The following RAP1GAP2 variants were observed in gnomAD, a reference collection of about 807,000 sequenced individuals.
The protein encoded by RAP1GAP2 is RAP1 GTPase activating protein 2, also known as rap1 GTPase-activating protein 2.
Under a neutral mutation model 95.0 loss-of-function variants are expected in RAP1GAP2, and 27 were observed. The ratio of observed to expected loss-of-function variants is 0.28; its 90% confidence interval spans 0.21 to 0.39. The LOEUF (loss-of-function observed/expected upper bound fraction) is 0.39, where lower values mean the gene tolerates loss of function less well. Ranked by LOEUF, RAP1GAP2 falls within the 10% of genes least tolerant of loss-of-function variation. RAP1GAP2 has a pLI of 1.00. For missense variants in RAP1GAP2, 771 were observed against 970.0 expected, an observed-to-expected ratio of 0.79 and a Z score of 2.72; for synonymous variants, 373 against 380.9, an observed-to-expected ratio of 0.98 and a Z score of 0.24.
At position 2,937,073 on chromosome 17, in the gene RAP1GAP2, C is replaced by T. The variant is rs151338196; in HGVS notation, c.166-20686C>T. Reference sequence around the variant, plus strand: ...GTGGTTGGATAGGGCATGTGTAGGACGGGAGTACCACCTTGGGACAGGGAG... The same window carrying T: ...GTGGTTGGATAGGGCATGTGTAGGATGGGAGTACCACCTTGGGACAGGGAG... On this transcript the variant is annotated intron_variant, in intron 3 of 24. Coordinates refer to ENST00000254695, the MANE Select transcript of RAP1GAP2 (RefSeq NM_015085.5). Among the ~76,000 whole-genome samples, 434 of 152,212 alleles carry T rather than the reference C, an allele frequency of 2.9e-3. 2 individuals carry two copies. Among genetic ancestry groups the T allele is most frequent in the African/African-American group, 8.3e-3 (344 of 41,546 alleles).
intron 1 of RAP1GAP2, among the ~76,000 whole-genome samples, chr17:2,784,834 GAT>G (rs1378144252): frequency 1.3e-5 from 2 of 152,202 alleles, no homozygotes; most frequent in Non-Finnish European, 1.5e-5. Flanking sequence ...TGCTGATGGA[GAT>G]ACCATGAGGG....
At chr17:2,974,571 T>C (rs560624887) in intron 8 of RAP1GAP2, among the ~76,000 whole-genome samples, 1 of 149,514 alleles carries the variant, frequency 6.7e-6, no homozygotes, top group Admixed American at 6.8e-5. Context: ...TGTTGATAAA[T>C]TTAATTACTG....
chr17:2,818,876 G>GTCC lies in RAP1GAP2; in HGVS notation c.80+18326_80+18327insTCC, dbSNP rs531892965. 4.5e-3 allele frequency among the ~76,000 whole-genome samples: 688 copies of GTCC among 152,218 alleles called. 5 individuals are homozygous for GTCC. Among genetic ancestry groups the GTCC allele is most frequent in the African/African-American group, 0.016 (650 of 41,540 alleles). On this transcript the variant is annotated intron_variant, in intron 2 of 24. Transcript: ENST00000254695. ...TGAAACTGGACTAATAGCAAAGCCT[G>GTCC]AAACCTACTGCAAGGGTTGTTTTGG...
chr17:2,849,054 T>C (rs114921966), intron 2 of RAP1GAP2, among the ~76,000 whole-genome samples: 20 of 152,136 alleles, frequency 1.3e-4, no homozygotes, highest in African/African-American at 4.8e-4. Context: ...CAGAGTGATA[T>C]CCCAGAGCAG....
At chr17:2,992,450 G>A (rs948264301) in intron 12 of RAP1GAP2, among the ~76,000 whole-genome samples, 18 of 152,172 alleles carry the variant, frequency 1.2e-4, no homozygotes, top group African/African-American at 3.9e-4. Context: ...GTGAGCCACC[G>A]TGCCTGGCTC....
chr17:2,967,475 G>C (rs1055708162), intron 8 of RAP1GAP2, among the ~76,000 whole-genome samples: 1 of 152,194 alleles, frequency 6.6e-6, no homozygotes, highest in African/African-American at 2.4e-5. Flanking sequence ...CTCTTTAGGA[G>C]TGAGAGTGAG....
intron 3 of RAP1GAP2, among the ~76,000 whole-genome samples, chr17:2,943,000 C>G (rs1170884959): frequency 6.6e-6 from 1 of 152,006 alleles, no homozygotes; most frequent in South Asian, 2.1e-4. Flanking sequence ...AACTCCTGAC[C>G]TCAAGTGATC....
intron 3 of RAP1GAP2, among the ~76,000 whole-genome samples, chr17:2,936,286 AC>A (rs1381923214): frequency 9.4e-6 from 1 of 106,212 alleles, no homozygotes; most frequent in Non-Finnish European, 1.7e-5. Flanking sequence ...CCTCTTAAGT[AC>A]TATTTGTCTC....
At position 2,906,371 on chromosome 17, in the gene RAP1GAP2, T is replaced by C. The variant is rs1165776502; in HGVS notation, c.165+1003T>C. ...CTTCCTGTTGTTGTCCTGTATCCGA[T>C]ACCCATCACATACAGAGCCATGTGG... On this transcript the variant is annotated intron_variant, in intron 3 of 24. Transcript: ENST00000254695. The surrounding 1 kb of genome is among the most constrained non-coding windows in gnomAD (Gnocchi z 4.3). Among the ~76,000 whole-genome samples the C allele has an allele frequency of 6.6e-6, 1 of 151,864 alleles. No individual in the cohort carries two copies. Among genetic ancestry groups the C allele is most frequent in the Non-Finnish European group, 1.5e-5 (1 of 67,946 alleles).
chr17:2,966,561 A>C (rs1454179927), intron 8 of RAP1GAP2, among the ~76,000 whole-genome samples: 1 of 152,212 alleles, frequency 6.6e-6, no homozygotes, highest in African/African-American at 2.4e-5. Flanking sequence ...GAATAAGGAC[A>C]TATAACCCCA....
chr17:2,800,365 CT>C lies in RAP1GAP2; in HGVS notation c.45-149del, dbSNP rs930438426. ...CCAGCACTCAGAGGCGTCTCTCCCC[CT>C]GCTAGCGGAGAACTGGCCCCTTTAG... On this transcript the variant is annotated intron_variant, in intron 1 of 24. Transcript: ENST00000254695. The C allele has an allele frequency of 2.1e-5, 26 of 1,256,082 alleles. No individual in the cohort carries two copies. The Admixed American group carries it at 5.4e-4, about 26-fold the overall frequency. 77.8% of individuals were successfully genotyped at this position (1,256,082 alleles called of 1,614,324 possible).
intron 8 of RAP1GAP2, among the ~76,000 whole-genome samples, chr17:2,976,137 G>A (rs1279657771): frequency 6.6e-6 from 1 of 152,162 alleles, no homozygotes; most frequent in Non-Finnish European, 1.5e-5. Flanking sequence ...GAGTTATAGT[G>A]GGAGATTTTG....
upstream of RAP1GAP2, among the ~76,000 whole-genome samples, chr17:2,791,680 C>T (rs924332424): frequency 2.0e-5 from 3 of 152,068 alleles, no homozygotes; most frequent in Admixed American, 2.0e-4. Flanking sequence ...CTTTGGTCCG[C>T]GCTGGCCCAC....
At position 3,033,476 on chromosome 17, in the gene RAP1GAP2, T is replaced by C. The variant is rs12150200; in HGVS notation, c.*115T>C. The C allele has an allele frequency of 0.23, 34,921 of 153,364 alleles. 4,248 individuals are homozygous for C. Among genetic ancestry groups the C allele is most frequent in the African/African-American group, 0.31 (12,728 of 41,508 alleles). The allele number at this position is 153,364 out of a possible 1,614,324, so 9.5% of individuals were successfully genotyped here. ...ACGACCCTGACAGTCCCAGCCCTGCTGCCCCATGGCCACGTGCCCACAGAT... is the reference window on the plus strand; with the variant it reads ...ACGACCCTGACAGTCCCAGCCCTGCCGCCCCATGGCCACGTGCCCACAGAT... On this transcript the variant is annotated 3_prime_UTR_variant, in exon 25 of 25. Transcript: ENST00000254695. The surrounding 1 kb of genome is among the most constrained non-coding windows in gnomAD (Gnocchi z 4.9).
intron 2 of RAP1GAP2, among the ~76,000 whole-genome samples, chr17:2,856,698 T>G (rs2072153434): frequency 6.6e-6 from 1 of 152,150 alleles, no homozygotes; most frequent in African/African-American, 2.4e-5. Context: ...AGGGATTGGC[T>G]GGGACCCGGG....
intron 22 of RAP1GAP2, among the ~76,000 whole-genome samples, chr17:3,030,177 T>TACACACATACACAC (rs2047248527): frequency 6.9e-6 from 1 of 145,236 alleles, no homozygotes; most frequent in African/African-American, 2.5e-5. Context: ...ATATATATTA[T>TACACACATACACAC]ACACACACAC....
intron 1 of RAP1GAP2, among the ~76,000 whole-genome samples, chr17:2,781,076 G>A (rs2068633842): frequency 1.3e-5 from 2 of 152,336 alleles, no homozygotes; most frequent in South Asian, 2.1e-4. Context: ...TGATGCCAAC[G>A]ATACAAGGCT....
chr17:2,875,126 G>A (rs1204380835), intron 2 of RAP1GAP2, among the ~76,000 whole-genome samples: 1 of 152,148 alleles, frequency 6.6e-6, no homozygotes, highest in Non-Finnish European at 1.5e-5. Context: ...GAGTGCAATG[G>A]TGCGATCTCG....
At chr17:2,823,284 G>A (rs2070389709) in intron 2 of RAP1GAP2, among the ~76,000 whole-genome samples, 1 of 152,116 alleles carries the variant, frequency 6.6e-6, no homozygotes, top group Non-Finnish European at 1.5e-5. Flanking sequence ...TGTCCTGTGG[G>A]GTTTTGGTCT....
Sources: allele counts gnomAD v4.1 joint callset (sites outside exome capture counted in the v4.1 genomes callset), GRCh38; gene constraint gnomAD v4.1.1; non-coding constraint Gnocchi (gnomAD v3.1); transcripts MANE v1.5; gene names NCBI Gene and HGNC (gene_info 2026-07-23, HGNC 2026-07-21).